The following MGRN1 variants were observed in gnomAD, a reference collection of about 807,000 sequenced individuals.
MGRN1 encodes the protein mahogunin ring finger 1, also known as E3 ubiquitin-protein ligase MGRN1.
Under a neutral mutation model 69.2 loss-of-function variants are expected in MGRN1, and 29 were observed. The ratio of observed to expected loss-of-function variants is 0.42; its 90% CI spans 0.31 to 0.57. MGRN1 has a LOEUF of 0.57. Among genes scored for constraint, MGRN1 ranks in the 20% least tolerant of loss-of-function variants. The probability of loss-of-function intolerance (pLI) is 0.15; values close to 1 mark genes in which losing one functional copy is unlikely to be tolerated. For missense variants in MGRN1, 998 were observed against 796.2 expected (o/e 1.25, Z -3.05); for synonymous variants, 470 against 344.2 (o/e 1.37, Z -4.04).
chr16:4,644,228 G>A (rs1301942301), intron 1 of MGRN1, among the ~76,000 whole-genome samples: 1 of 151,556 alleles, frequency 6.6e-6, no homozygotes, highest in Non-Finnish European at 1.5e-5. Flanking sequence ...CTTACCTCAA[G>A]TGATCCACCC....
intron 16 of MGRN1, chr16:4,687,291 T>C: frequency 1.0e-6 from 1 of 985,162 alleles, no homozygotes; most frequent in South Asian, 4.7e-5. Flanking sequence ...GGTTCGCACC[T>C]ATAAGCCCGG....
intron 1 of MGRN1, among the ~76,000 whole-genome samples, chr16:4,644,482 G>C (rs1567182545): frequency 6.6e-6 from 1 of 151,698 alleles, no homozygotes. Flanking sequence ...GGGTAATTTT[G>C]TATTTTTAGT....
intron 7 of MGRN1, among the ~76,000 whole-genome samples, chr16:4,666,102 T>C (rs28448402): frequency 0.43 from 65,792 of 151,756 alleles, 14,788 homozygotes; most frequent in East Asian, 0.64. Flanking sequence ...GTGCTTGGAT[T>C]ACAGGTGTGA....
intron 16 of MGRN1, among the ~76,000 whole-genome samples, chr16:4,684,543 C>T (rs576588426): frequency 3.3e-5 from 5 of 152,238 alleles, no homozygotes; most frequent in Admixed American, 6.5e-5. Context: ...GCACAGAGGA[C>T]GGCGGGGGCG....
rs368889081 is a variant in MGRN1, at chr16:4,671,404, G to C, written c.740G>C (p.Ser247Thr). 6.2e-7 allele frequency: 1 copy of C among 1,614,094 alleles called. No individual in the cohort carries two copies. Among genetic ancestry groups the C allele is most frequent in the East Asian group, 2.2e-5 (1 of 44,884 alleles). ...LKQKQIVDRV[S>T]YLLQEIYGIE... ...TCTGCTCTCCAGGTGGACCGGGTCA[G>C]CTACCTCCTGCAGGAGATCTATGGC... The change falls in exon 9 of 17, where the codon AGC becomes ACC. Residue 247 changes from serine to threonine, a missense_variant. Ser to Thr is a moderately conservative substitution (Grantham distance 58). Transcript: ENST00000262370.
intron 1 of MGRN1, among the ~76,000 whole-genome samples, chr16:4,628,037 G>A (rs1342281055): frequency 4.2e-5 from 6 of 142,876 alleles, no homozygotes; most frequent in East Asian, 2.0e-4. Context: ...CCGAGACTGC[G>A]CCACTGCACT....
At chr16:4,656,822 G>A (rs2078550849) in intron 4 of MGRN1, among the ~76,000 whole-genome samples, 1 of 152,132 alleles carries the variant, frequency 6.6e-6, no homozygotes, top group Non-Finnish European at 1.5e-5. Context: ...AGAGGTTGCA[G>A]TGAGCTGAGA....
rs929146086 is a variant in MGRN1, at chr16:4,687,389, A to G, written c.1619-1407A>G. The G allele has an allele frequency of 5.4e-6, 5 of 919,806 alleles. No homozygotes were observed. In the East Asian group the frequency reaches 4.7e-4, roughly 86 times the overall value. The allele number at this position is 919,806 out of a possible 1,614,324, so 57.0% of individuals were successfully genotyped here. On this transcript the variant is annotated intron_variant, in intron 16 of 16. Transcript: ENST00000262370. ...CATAGACCCCCTCTCTATGAAAAAT[A>G]AAAAATTGGCTTGGGCGTGGTAGCT...
chr16:4,687,555 AC>A lies in MGRN1; in HGVS notation c.1619-1238del, dbSNP rs1474559399. 7 of 977,640 alleles carry A rather than the reference AC, an allele frequency of 7.2e-6. No individual in the cohort carries two copies. The East Asian group carries it at 3.5e-4, about 48-fold the overall frequency. The allele number at this position is 977,640 out of a possible 1,614,324, so 60.6% of individuals were successfully genotyped here. ...ACCCACCCACCCACTCCAGCCTGAG[AC>A]CCTGTCTCAAGAAAAAAAAAATACA... is the stretch of plus-strand genomic sequence containing the variant. On this transcript the variant is annotated intron_variant, in intron 16 of 16. Coordinates refer to ENST00000262370, the MANE Select transcript of MGRN1 (RefSeq NM_015246.4).
At chr16:4,675,115 G>A (rs2079028094) in intron 10 of MGRN1, among the ~76,000 whole-genome samples, 1 of 152,122 alleles carries the variant, frequency 6.6e-6, no homozygotes, top group African/African-American at 2.4e-5. Flanking sequence ...TGGGATTACA[G>A]GCATGTGCCA....
At chr16:4,678,792 C>A (rs2079111141) in intron 11 of MGRN1, among the ~76,000 whole-genome samples, 1 of 152,204 alleles carries the variant, frequency 6.6e-6, no homozygotes, top group Non-Finnish European at 1.5e-5. Context: ...CCTCTCTAAA[C>A]AGAAAAGAGG....
At chr16:4,688,640 G>C in intron 16 of MGRN1, 156 bp from the exon 17 acceptor site, 1 of 1,417,696 alleles carries the variant, frequency 7.1e-7, no homozygotes, top group Non-Finnish European at 9.3e-7. Context: ...CGGGCCCTTG[G>C]TGTGCTCACA....
intron 11 of MGRN1, 63 bp from the exon 12 acceptor site, chr16:4,679,969 C>G (rs1316339665): frequency 6.6e-7 from 1 of 1,507,868 alleles, no homozygotes; most frequent in Admixed American, 1.8e-5. Context: ...TCAGACCTGT[C>G]CAGCCCACTC....
chr16:4,671,403 A>G lies in MGRN1; in HGVS notation c.739A>G (p.Ser247Gly). Residue 247 changes from serine (S) to glycine (G), a missense_variant, in exon 9 of 17, where the codon AGC becomes GGC. Physicochemically the swap from Ser to Gly is moderately conservative, Grantham distance 56 (BLOSUM62 0). Transcript: ENST00000262370. Reference sequence around the variant, plus strand: ...CTCTGCTCTCCAGGTGGACCGGGTCAGCTACCTCCTGCAGGAGATCTATGG... The same window carrying G: ...CTCTGCTCTCCAGGTGGACCGGGTCGGCTACCTCCTGCAGGAGATCTATGG... ...LKQKQIVDRVSYLLQEIYGIE... is the reference protein window; with the variant it reads ...LKQKQIVDRVGYLLQEIYGIE... The G allele has an allele frequency of 6.2e-7, 1 of 1,614,104 alleles. No homozygotes were observed. The highest frequency in any genetic ancestry group is 8.5e-7 in the Non-Finnish European group (1 of 1,179,988).
chr16:4,665,270 C>A lies in MGRN1; in HGVS notation c.678+119C>A, dbSNP rs1310818781. On this transcript the variant is annotated intron_variant, in intron 7 of 16. Coordinates refer to ENST00000262370, the MANE Select transcript of MGRN1 (RefSeq NM_015246.4). ...TGGTGGGGTGGCTGAGTGTCAAGGG[C>A]CCCGGGGCAGGTTGGGGCGTGTCTG... 8 of 1,076,626 alleles carry A rather than the reference C, an allele frequency of 7.4e-6. No individual in the cohort carries two copies. The East Asian group carries it at 1.5e-4, about 20-fold the overall frequency. 66.7% of individuals were successfully genotyped at this position (1,076,626 alleles called of 1,614,324 possible).
At position 4,641,887 on chromosome 16, in the gene MGRN1, C is replaced by G. The variant is rs557865407; in HGVS notation, c.89-8478C>G. 3.9e-5 allele frequency among the ~76,000 whole-genome samples: 6 copies of G among 151,930 alleles called. No homozygotes were observed. In the East Asian group the frequency reaches 7.8e-4, roughly 20 times the overall value. The stretch of plus-strand genomic sequence containing the variant: ...CAGGCTGGTCTGAAATTCGTGGCTT[C>G]AAGCCATCTTGCCCACCTTGGCCTC... On this transcript the variant is annotated intron_variant, in intron 1 of 16. Coordinates refer to ENST00000262370, the MANE Select transcript of MGRN1 (RefSeq NM_015246.4).
At chr16:4,678,248 A>G (rs1455905073) in intron 11 of MGRN1, among the ~76,000 whole-genome samples, 1 of 152,080 alleles carries the variant, frequency 6.6e-6, no homozygotes, top group Non-Finnish European at 1.5e-5. Context: ...AGGCGCCCTC[A>G]GTGGGGACCT....
intron 1 of MGRN1, among the ~76,000 whole-genome samples, chr16:4,626,705 A>G (rs1453373035): frequency 6.6e-6 from 1 of 152,236 alleles, no homozygotes; most frequent in Non-Finnish European, 1.5e-5. Flanking sequence ...GCTGAACAGA[A>G]TAACATACAT....
chr16:4,642,466 T>TTGTGTGTG (rs143119735), intron 1 of MGRN1, among the ~76,000 whole-genome samples: 4,571 of 141,770 alleles, frequency 0.032, 113 homozygotes, highest in African/African-American at 0.062. Context: ...GCCAGCTAAT[T>TTGTGTGTG]TGTGTGTGTG....
Sources: allele counts gnomAD v4.1 joint callset (sites outside exome capture counted in the v4.1 genomes callset), GRCh38; gene constraint gnomAD v4.1.1; transcripts MANE v1.5; gene names NCBI Gene and HGNC (gene_info 2026-07-23, HGNC 2026-07-21).